The following RNF228 variants were observed in gnomAD, a reference collection of about 807,000 sequenced individuals.
RNF228 encodes the protein ring finger protein 228.
the RNF228 span, among the ~76,000 whole-genome samples, chr2:222,315,909 G>A: frequency 1.1e-4 from 16 of 152,186 alleles, no homozygotes; most frequent in Non-Finnish European, 1.9e-4. Context: ...CTAGAACCTA[G>A]GCAGAATGTG....
the RNF228 span, chr2:222,318,696 A>G: frequency 0.42 from 64,053 of 150,994 alleles, 14,573 homozygotes; most frequent in Admixed American, 0.6. Flanking sequence ...CTAGGGAGGG[A>G]TGGCCGCACA....
the RNF228 span, chr2:222,319,272 G>A: frequency 1.2e-5 from 4 of 339,434 alleles, no homozygotes; most frequent in Non-Finnish European, 1.6e-5. This position sits in a 1 kb window ranked among gnomAD's most constrained non-coding sequence, Gnocchi z 7.6. Flanking sequence ...CCCGCCTCCG[G>A]GGGTTCCCCC....
chr2:222,318,676 T>A, the RNF228 span: 1 of 152,030 alleles, frequency 6.6e-6, no homozygotes, highest in Non-Finnish European at 1.5e-5. Flanking sequence ...TCTCTGCAGA[T>A]CTTTGTGCTC....
At chr2:222,317,651 A>G in the RNF228 span, 1 of 152,248 alleles carries the variant, frequency 6.6e-6, no homozygotes, top group Non-Finnish European at 1.5e-5. Flanking sequence ...ATAGATATAT[A>G]TTCTTTTTCA....
At chr2:222,314,885 C>T in the RNF228 span, among the ~76,000 whole-genome samples, 1 of 152,186 alleles carries the variant, frequency 6.6e-6, no homozygotes. Flanking sequence ...GCAGGTGCTG[C>T]TAGCCTTGGA....
At chr2:222,317,789 T>C in the RNF228 span, 6 of 152,336 alleles carry the variant, frequency 3.9e-5, no homozygotes, top group African/African-American at 1.4e-4. Flanking sequence ...CAGAAAGACC[T>C]TCAGTTAGTT....
At chr2:222,317,677 T>A in the RNF228 span, 3 of 152,228 alleles carry the variant, frequency 2.0e-5, no homozygotes, top group Non-Finnish European at 4.4e-5. Flanking sequence ...TGTGACTGTA[T>A]GTGAACATTT....
chr2:222,316,502 T>A, the RNF228 span, among the ~76,000 whole-genome samples: 2 of 152,218 alleles, frequency 1.3e-5, no homozygotes, highest in African/African-American at 4.8e-5. Context: ...TTCTCAGTTA[T>A]GAGGAATCTT....
the RNF228 span, among the ~76,000 whole-genome samples, chr2:222,315,066 C>T: frequency 7.0e-6 from 1 of 142,274 alleles, no homozygotes; most frequent in African/African-American, 2.6e-5. Context: ...ACTCAAAGTG[C>T]TTGCCATAAG....
chr2:222,316,823 A>G, the RNF228 span, among the ~76,000 whole-genome samples: 2 of 152,252 alleles, frequency 1.3e-5, no homozygotes, highest in African/African-American at 2.4e-5. Context: ...TAAAGAATGA[A>G]TAAGAGGTAA....
the RNF228 span, chr2:222,317,363 A>G: frequency 1.3e-5 from 2 of 152,222 alleles, no homozygotes; most frequent in Admixed American, 6.5e-5. Context: ...CTTCACTCCT[A>G]TGATAGATAC....
the RNF228 span, among the ~76,000 whole-genome samples, chr2:222,316,940 G>T: frequency 6.6e-6 from 1 of 152,162 alleles, no homozygotes; most frequent in Non-Finnish European, 1.5e-5. Context: ...TTCATAGAAG[G>T]CAAGAACAAA....
chr2:222,314,977 C>CT, the RNF228 span, among the ~76,000 whole-genome samples: 1 of 152,140 alleles, frequency 6.6e-6, no homozygotes, highest in African/African-American at 2.4e-5. Context: ...GCCAAATGTC[C>CT]TTTAGTCTCT....
the RNF228 span, among the ~76,000 whole-genome samples, chr2:222,316,175 T>C: frequency 1.3e-5 from 2 of 152,166 alleles, no homozygotes; most frequent in African/African-American, 4.8e-5. Context: ...CACGTAAATA[T>C]AAATGATTAA....
the RNF228 span, among the ~76,000 whole-genome samples, chr2:222,314,285 C>A: frequency 1.3e-5 from 2 of 152,166 alleles, no homozygotes; most frequent in Admixed American, 6.5e-5. Flanking sequence ...TTGGATGAAA[C>A]AATGCCAATA....
the RNF228 span, among the ~76,000 whole-genome samples, chr2:222,314,279 A>G: frequency 6.6e-6 from 1 of 152,254 alleles, no homozygotes; most frequent in Non-Finnish European, 1.5e-5. Flanking sequence ...AACTGATTGG[A>G]TGAAACAATG....
the RNF228 span, among the ~76,000 whole-genome samples, chr2:222,315,612 G>A: frequency 1.0e-3 from 158 of 152,202 alleles, no homozygotes; most frequent in African/African-American, 3.7e-3. Context: ...GGTAGGGGGC[G>A]CTGATACTCC....
At chr2:222,314,371 T>C in the RNF228 span, among the ~76,000 whole-genome samples, 1 of 152,262 alleles carries the variant, frequency 6.6e-6, no homozygotes, top group Non-Finnish European at 1.5e-5. Context: ...TCTTACACTT[T>C]CTTCATTCAC....
the RNF228 span, chr2:222,318,726 G>T: frequency 2.6e-5 from 4 of 151,936 alleles, no homozygotes; most frequent in African/African-American, 7.3e-5. Flanking sequence ...GGACGAGGGT[G>T]GTGCATAACG....
Sources: gnomAD v4.1 joint callset for allele counts (sites outside exome capture counted in the v4.1 genomes callset) on GRCh38, gnomAD v4.1.1 for gene constraint, Gnocchi (gnomAD v3.1) non-coding constraint, MANE v1.5 for transcripts, NCBI Gene and HGNC (gene_info 2026-07-23, HGNC 2026-07-21) for gene names.